The following CNTLN variants were observed in gnomAD, a reference collection of about 807,000 sequenced individuals.
CNTLN encodes centlein, also known as centlein, centrosomal protein.
In CNTLN, 212 loss-of-function variants were observed where a neutral mutation model predicts 180.0. The observed-to-expected ratio is 1.18, with a 90% confidence interval of 1.05 to 1.32. CNTLN has a LOEUF of 1.32. Ranked by LOEUF, CNTLN falls within the 40% of genes most tolerant of loss-of-function variation. CNTLN has a pLI of 0.00. For missense variants in CNTLN, 2,095 were observed against 1,610.9 expected (o/e 1.30, Z -5.14); for synonymous variants, 722 against 563.1 (o/e 1.28, Z -3.99).
At chr9:17,228,625 A>G (rs553036667) in intron 3 of CNTLN, among the ~76,000 whole-genome samples, 3 of 152,146 alleles carry the variant, frequency 2.0e-5, no homozygotes, top group South Asian at 2.1e-4. Context: ...CTTTGTTTCT[A>G]TGAGGGCAGA....
At chr9:17,463,798 C>T (rs541659944) in intron 20 of CNTLN, among the ~76,000 whole-genome samples, 1 of 151,632 alleles carries the variant, frequency 6.6e-6, no homozygotes. Flanking sequence ...ACCTACTAGG[C>T]CTATGCCTAA....
intron 5 of CNTLN, among the ~76,000 whole-genome samples, chr9:17,251,576 T>C (rs1323128265): frequency 1.3e-5 from 2 of 152,066 alleles, no homozygotes; most frequent in Admixed American, 6.6e-5. Context: ...TGAATTACTT[T>C]TGTGTGTGTA....
intron 2 of CNTLN, among the ~76,000 whole-genome samples, chr9:17,203,812 C>T (rs1276850596): frequency 1.3e-5 from 2 of 152,222 alleles, no homozygotes; most frequent in African/African-American, 2.4e-5. Flanking sequence ...CCGCCTCGGC[C>T]TCCCGAAGTG....
rs1030183860 is a variant in CNTLN, at chr9:17,255,536, A to G, written c.850-18197A>G. 3.3e-5 allele frequency among the ~76,000 whole-genome samples: 5 copies of G among 151,886 alleles called. No homozygotes were observed. In the East Asian group the frequency reaches 9.7e-4, roughly 29 times the overall value. On this transcript the variant is annotated intron_variant, in intron 5 of 25. Coordinates refer to ENST00000380647, the MANE Select transcript of CNTLN (RefSeq NM_017738.4). ...AATTCCCCTTGCATTCAAGGCATAAATTCCACTTGGTCATGTTATGTAACC... is the reference window on the plus strand; with the variant it reads ...AATTCCCCTTGCATTCAAGGCATAAGTTCCACTTGGTCATGTTATGTAACC...
In CNTLN at chr9:17,409,277, A is replaced by G. The variant is rs759580440; in HGVS notation, c.2616-16A>G. On this transcript the variant is annotated splice_polypyrimidine_tract_variant and intron_variant, in intron 15 of 25. Transcript: ENST00000380647. Reference sequence around the variant, plus strand: ...TTTTATTCTTGGATTTTATGTCCCTACTTTTTTCTAAAAAGCAGTGATTCT... The same window carrying G: ...TTTTATTCTTGGATTTTATGTCCCTGCTTTTTTCTAAAAAGCAGTGATTCT... 3.1e-6 allele frequency: 5 copies of G among 1,601,652 alleles called. No homozygotes were observed. The East Asian group carries it at 6.7e-5, about 22-fold the overall frequency.
chr9:17,219,257 CTT>C (rs112815886), intron 2 of CNTLN, among the ~76,000 whole-genome samples: 1 of 142,408 alleles, frequency 7.0e-6, no homozygotes. Context: ...TTTAAGGAAC[CTT>C]TTTTTTTTTA....
chr9:17,394,105 C>A (rs1190551013), intron 14 of CNTLN, among the ~76,000 whole-genome samples: 1 of 152,048 alleles, frequency 6.6e-6, no homozygotes, highest in Non-Finnish European at 1.5e-5. Context: ...CAGTAGATTA[C>A]TTTATATTGT....
rs1252987839 is a variant in CNTLN, at chr9:17,289,213, A to C, written c.984-8977A>C. On this transcript the variant is annotated intron_variant, in intron 6 of 25. Coordinates refer to ENST00000380647, the MANE Select transcript of CNTLN (RefSeq NM_017738.4). ...TTTTAGGGCAGGCCTAGTGGTGACAAAATCTCTCAGCATTTGCTTGTCTGT... is the reference window on the plus strand; with the variant it reads ...TTTTAGGGCAGGCCTAGTGGTGACACAATCTCTCAGCATTTGCTTGTCTGT... 1.8e-5 allele frequency among the ~76,000 whole-genome samples: 2 copies of C among 114,158 alleles called. 1 individual carries two copies. The highest frequency in any genetic ancestry group is 3.4e-5 in the Non-Finnish European group (2 of 58,224). The allele number at this position is 114,158 out of a possible 152,430, so 74.9% of individuals were successfully genotyped here.
intron 2 of CNTLN, among the ~76,000 whole-genome samples, chr9:17,213,282 C>T (rs1292082068): frequency 6.6e-6 from 1 of 152,198 alleles, no homozygotes; most frequent in Admixed American, 6.5e-5. Flanking sequence ...TTTCAAAGAG[C>T]ATCTTTATTT....
intron 13 of CNTLN, among the ~76,000 whole-genome samples, chr9:17,383,721 T>C (rs1029433344): frequency 1.3e-5 from 2 of 151,620 alleles, no homozygotes; most frequent in Admixed American, 6.6e-5. Flanking sequence ...CACTGCAAGC[T>C]CTGCCTCCTG....
intron 5 of CNTLN, among the ~76,000 whole-genome samples, chr9:17,249,348 TTTTTTG>T (rs928748361): frequency 1.7e-4 from 22 of 129,736 alleles, no homozygotes; most frequent in South Asian, 8.7e-4. Context: ...TTTGATTGTT[TTTTTTG>T]TTTTTTTTTT....
chr9:17,254,021 A>T (rs1438005355), intron 5 of CNTLN, among the ~76,000 whole-genome samples: 2 of 151,514 alleles, frequency 1.3e-5, no homozygotes, highest in Non-Finnish European at 3.0e-5. Flanking sequence ...TTTCTGTATT[A>T]ATTGAGATGA....
chr9:17,135,229 A>C lies in CNTLN; in HGVS notation c.164A>C (p.Lys55Thr). 1 of 1,609,736 alleles carries C rather than the reference A, an allele frequency of 6.2e-7. No individual in the cohort carries two copies. Among genetic ancestry groups the C allele is most frequent in the Non-Finnish European group, 8.5e-7 (1 of 1,178,424 alleles). ...AREVVADESD[K>T]IWVGEEGSGG... ...GAGGTGGTCGCGGACGAAAGTGATAAAATCTGGGTGGGTGAAGAAGGGTCA... is the reference window on the plus strand; with the variant it reads ...GAGGTGGTCGCGGACGAAAGTGATACAATCTGGGTGGGTGAAGAAGGGTCA... Residue 55 changes from lysine (K) to threonine (T), a missense_variant, in exon 1 of 26, where the codon AAA becomes ACA. Lys to Thr is a moderately conservative substitution (Grantham distance 78). Coordinates refer to ENST00000380647, the MANE Select transcript of CNTLN (RefSeq NM_017738.4).
At chr9:17,477,126 A>C (rs1832393734) in intron 23 of CNTLN, among the ~76,000 whole-genome samples, 1 of 152,140 alleles carries the variant, frequency 6.6e-6, no homozygotes, top group African/African-American at 2.4e-5. Flanking sequence ...AAATGACAAC[A>C]CATGTATTTA....
At chr9:17,373,857 C>T (rs1477910678) in intron 13 of CNTLN, among the ~76,000 whole-genome samples, 1 of 152,112 alleles carries the variant, frequency 6.6e-6, no homozygotes, top group African/African-American at 2.4e-5. Flanking sequence ...CCAAGACATA[C>T]ATTGGGAAAA....
intron 7 of CNTLN, chr9:17,301,992 T>C: frequency 1.0e-6 from 1 of 976,972 alleles, no homozygotes; most frequent in Non-Finnish European, 1.2e-6. Flanking sequence ...GTTATATATG[T>C]TATTTGTTTT....
chr9:17,509,016 A>G, the CNTLN span, among the ~76,000 whole-genome samples: 3 of 152,208 alleles, frequency 2.0e-5, no homozygotes, highest in South Asian at 4.1e-4. Flanking sequence ...TTAATAATCA[A>G]ATTGATAGGA....
In CNTLN at chr9:17,459,449, A is replaced by G. The variant is rs369073238; in HGVS notation, c.3306+1734A>G. 1.6e-4 allele frequency among the ~76,000 whole-genome samples: 25 copies of G among 151,878 alleles called. 1 individual carries two copies. The highest frequency in any genetic ancestry group is 5.8e-4 in the East Asian group (3 of 5,186). ...ACACTGACCAAACTGTATAGGGACA[A>G]AAAGGATAAGTTTTTACTTTTGTCT... is the stretch of plus-strand genomic sequence containing the variant. On this transcript the variant is annotated intron_variant, in intron 19 of 25. Transcript: ENST00000380647.
At chr9:17,408,759 C>T (rs1827608754) in intron 15 of CNTLN, among the ~76,000 whole-genome samples, 1 of 151,316 alleles carries the variant, frequency 6.6e-6, no homozygotes, top group African/African-American at 2.4e-5. Flanking sequence ...CAAGATCGCG[C>T]CACTGCACTC....
Sources: allele counts gnomAD v4.1 joint callset (sites outside exome capture counted in the v4.1 genomes callset), GRCh38; gene constraint gnomAD v4.1.1; transcripts MANE v1.5; gene names NCBI Gene and HGNC (gene_info 2026-07-23, HGNC 2026-07-21).